The following SAXO1 variants were observed in gnomAD, a reference collection of about 807,000 sequenced individuals.
SAXO1 encodes 4930500O09Rik.
A neutral mutation model predicts 17.5 loss-of-function variants in SAXO1; 21 were observed. The observed-to-expected ratio is 1.20, with a 90% CI of 0.85 to 1.72. SAXO1 has a LOEUF of 1.72. Ranked by LOEUF, SAXO1 falls within the 40% of genes most tolerant of loss-of-function variation. The pLI, the probability that SAXO1 is intolerant of heterozygous loss-of-function variation, is 0.00. For missense variants in SAXO1, 843 were observed against 596.0 expected, an observed-to-expected ratio of 1.41 and a Z score of -4.32; for synonymous variants, 274 against 216.5, an observed-to-expected ratio of 1.27 and a Z score of -2.33.
chr9:19,016,730 A>C (rs1834989728), intron 1 of SAXO1, among the ~76,000 whole-genome samples: 2 of 152,074 alleles, frequency 1.3e-5, no homozygotes, highest in South Asian at 4.2e-4. Flanking sequence ...TTCATAAATG[A>C]ATACAGAAAT....
At position 19,032,952 on chromosome 9, in the gene SAXO1, G is replaced by T; in HGVS notation, c.-44C>A. On this transcript the variant is annotated 5_prime_UTR_variant, in exon 1 of 4. It adds an upstream start codon to the 5' untranslated region. Transcript: ENST00000380534. The stretch of plus-strand genomic sequence containing the variant: ...CTGACGTCCCCTCAGAGCATCGCCA[G>T]CTGCAGCCGACTCCTAGACCCCAAC... 1 of 1,584,874 alleles carries T rather than the reference G, an allele frequency of 6.3e-7. No homozygotes were observed. Among genetic ancestry groups the T allele is most frequent in the Non-Finnish European group, 8.6e-7 (1 of 1,168,524 alleles).
intron 1 of SAXO1, among the ~76,000 whole-genome samples, chr9:18,952,502 C>T (rs1832073635): frequency 6.6e-6 from 1 of 152,168 alleles, no homozygotes; most frequent in African/African-American, 2.4e-5. Context: ...ACATCTCGTC[C>T]ATCTACTCTC....
At chr9:19,021,661 C>T (rs527447974) in intron 1 of SAXO1, among the ~76,000 whole-genome samples, 179 of 152,270 alleles carry the variant, frequency 1.2e-3, no homozygotes, top group African/African-American at 4.2e-3. Flanking sequence ...GACTGCAATC[C>T]CAACAGTCAT....
intron 1 of SAXO1, among the ~76,000 whole-genome samples, chr9:19,001,009 G>C (rs1834243163): frequency 6.6e-6 from 1 of 152,144 alleles, no homozygotes; most frequent in South Asian, 2.1e-4. Context: ...ACACCCCACT[G>C]TCAATATTAG....
chr9:18,947,690 T>C (rs527840678), intron 2 of SAXO1: 2 of 152,332 alleles, frequency 1.3e-5, no homozygotes, highest in Admixed American at 6.5e-5. Flanking sequence ...TATTCATAAA[T>C]TGATCTCAGG....
chr9:18,933,317 A>G (rs1374898858), intron 3 of SAXO1, among the ~76,000 whole-genome samples: 1 of 152,100 alleles, frequency 6.6e-6, no homozygotes, highest in Non-Finnish European at 1.5e-5. Flanking sequence ...ATATTAATTG[A>G]TTTTCTGATG....
At chr9:18,954,496 A>T (rs994983599) in intron 1 of SAXO1, among the ~76,000 whole-genome samples, 2 of 151,940 alleles carry the variant, frequency 1.3e-5, no homozygotes, top group African/African-American at 4.8e-5. Context: ...AAAACCATGC[A>T]TGGGTAATTT....
intron 2 of SAXO1, among the ~76,000 whole-genome samples, chr9:18,943,644 G>A (rs1233978395): frequency 6.6e-6 from 1 of 152,222 alleles, no homozygotes; most frequent in Non-Finnish European, 1.5e-5. Context: ...AGAAGGGATG[G>A]ACAGGTTTCA....
chr9:19,022,479 C>T (rs1458287094), intron 1 of SAXO1, among the ~76,000 whole-genome samples: 1 of 152,196 alleles, frequency 6.6e-6, no homozygotes, highest in East Asian at 1.9e-4. Context: ...ATTCAATTGA[C>T]TCTGCTCTTC....
intron 2 of SAXO1, 102 bp from the exon 3 acceptor site, chr9:18,941,941 T>C: frequency 1.8e-6 from 2 of 1,098,504 alleles, no homozygotes; most frequent in South Asian, 2.7e-5. Flanking sequence ...GAAGTCCTGT[T>C]CTACTCTACC....
At chr9:18,972,717 G>A (rs1384617395) in intron 1 of SAXO1, among the ~76,000 whole-genome samples, 4 of 152,174 alleles carry the variant, frequency 2.6e-5, no homozygotes, top group Non-Finnish European at 5.9e-5. Flanking sequence ...CGTACCAACA[G>A]AAGGGCCTCC....
chr9:19,046,904 A>C (rs973867287), intron 1 of SAXO1, among the ~76,000 whole-genome samples: 3 of 152,026 alleles, frequency 2.0e-5, no homozygotes, highest in Admixed American at 6.6e-5. Flanking sequence ...AAAGAAAAGA[A>C]GGCCAGGCGC....
At chr9:19,028,045 G>C (rs111333370) in intron 1 of SAXO1, 10 of 1,611,254 alleles carry the variant, frequency 6.2e-6, no homozygotes, top group African/African-American at 2.7e-5. Context: ...ACTGCGCAGG[G>C]GTGCCACGGA....
chr9:18,947,066 C>T (rs984156399), intron 2 of SAXO1, among the ~76,000 whole-genome samples: 2 of 152,132 alleles, frequency 1.3e-5, no homozygotes, highest in Non-Finnish European at 2.9e-5. Context: ...CTCAGAAATA[C>T]AGTATAGACA....
chr9:18,958,379 G>A (rs1008528914), intron 1 of SAXO1, among the ~76,000 whole-genome samples: 1 of 152,100 alleles, frequency 6.6e-6, no homozygotes, highest in African/African-American at 2.4e-5. Context: ...AGTCGAGATA[G>A]CAACACTGCG....
rs556697295 is a variant in SAXO1, at chr9:18,984,242, T to G, written c.39-33305A>C. ...ATAGGCAGAGTAGATTTTGCATACT[T>G]CTTAAGGGTCCTAGGATTTTCAGAA... On this transcript the variant is annotated intron_variant, in intron 1 of 3. Transcript: ENST00000380534. Among the ~76,000 whole-genome samples the G allele has an allele frequency of 3.0e-3, 460 of 152,306 alleles. 8 individuals are homozygous for G. In the South Asian group the frequency reaches 0.045, roughly 15 times the overall value.
intron 1 of SAXO1, among the ~76,000 whole-genome samples, chr9:18,996,221 C>T (rs750713865): frequency 3.3e-5 from 5 of 152,330 alleles, no homozygotes; most frequent in Non-Finnish European, 7.3e-5. Context: ...TTATCAATCC[C>T]CTTTTCTTCT....
intron 1 of SAXO1, among the ~76,000 whole-genome samples, chr9:19,019,988 T>C (rs1207463997): frequency 6.7e-6 from 1 of 148,906 alleles, no homozygotes; most frequent in South Asian, 2.1e-4. Flanking sequence ...GCATTCCATA[T>C]AAACTGGCCA....
chr9:18,963,735 C>G (rs976218661), intron 1 of SAXO1, among the ~76,000 whole-genome samples: 4 of 152,186 alleles, frequency 2.6e-5, no homozygotes, highest in African/African-American at 9.7e-5. Context: ...ATGTCAACTG[C>G]AAACAGAGAC....
Sources: allele counts gnomAD v4.1 joint callset (sites outside exome capture counted in the v4.1 genomes callset), GRCh38; gene constraint gnomAD v4.1.1; transcripts MANE v1.5; gene names NCBI Gene and HGNC (gene_info 2026-07-23, HGNC 2026-07-21).